FLNB: variants seen among roughly 807,000 people sequenced by gnomAD.
FLNB encodes filamin-B.
FLNB carries 111 observed loss-of-function variants against 250.6 expected under a neutral mutation model. The ratio of observed to expected loss-of-function variants is 0.44; its 90% CI spans 0.38 to 0.52. The LOEUF is 0.52. FLNB is among the 20% of genes least tolerant of loss of function. FLNB has a pLI of 0.00. For synonymous variants in FLNB, 1,302 were observed against 1,372.1 expected (o/e 0.95, Z 1.13); for missense variants, 2,869 against 3,447.8 (o/e 0.83, Z 4.20).
chr3:58,132,974 T>C, intron 26 of FLNB, 43 bp downstream of exon 26: 1 of 1,585,084 alleles, frequency 6.3e-7, no homozygotes, highest in Non-Finnish European at 8.6e-7. Context: ...CATCAGTCTA[T>C]CTGTCCACCC....
intron 1 of FLNB, among the ~76,000 whole-genome samples, chr3:58,037,920 GA>G (rs1384383458): frequency 6.6e-6 from 1 of 151,622 alleles, no homozygotes; most frequent in African/African-American, 2.4e-5. Context: ...GATAGCATAA[GA>G]AAAAATTAAA....
Position 58,170,719 on chromosome 3 carries a change from A to G in FLNB, c.7766A>G (p.Glu2589Gly), listed in dbSNP as rs769890311. 3.7e-6 allele frequency: 6 copies of G among 1,614,028 alleles called. No individual in the cohort carries two copies. The highest frequency in any genetic ancestry group is 5.1e-6 in the Non-Finnish European group (6 of 1,179,988). ...GDYVLAVKWG[E>G]EHIPGSPFHV... ...TATGTGCTGGCTGTGAAGTGGGGGG[A>G]GGAACACATCCCTGGCAGCCCTTTT... Residue 2589 changes from glutamate to glycine, a missense_variant, in exon 46 of 46, where the codon GAG becomes GGG. Coordinates refer to ENST00000295956, the MANE Select transcript of FLNB (RefSeq NM_001457.4).
intron 1 of FLNB, among the ~76,000 whole-genome samples, chr3:58,066,314 G>T (rs915894585): frequency 4.6e-5 from 7 of 151,294 alleles, no homozygotes; most frequent in Non-Finnish European, 8.8e-5. Context: ...CTACCTCCTG[G>T]GTTCAAGCTA....
chr3:58,132,417 CTT>C, intron 25 of FLNB: 1 of 405,632 alleles, frequency 2.5e-6, no homozygotes, highest in East Asian at 5.8e-5. Flanking sequence ...ATTCTGGACT[CTT>C]TGGCAGTGTC....
chr3:58,072,989 T>A (rs1316235330), intron 1 of FLNB, among the ~76,000 whole-genome samples: 3 of 152,184 alleles, frequency 2.0e-5, no homozygotes, highest in African/African-American at 7.2e-5. Flanking sequence ...GCAAGTCTGC[T>A]TTTGAAAAGC....
chr3:58,150,366 T>C, intron 38 of FLNB, 139 bp downstream of exon 38: 1 of 893,210 alleles, frequency 1.1e-6, no homozygotes, highest in East Asian at 2.4e-5. Context: ...TTTCACTTCA[T>C]TTCATTATGT....
At chr3:58,069,789 G>A (rs2097191400) in intron 1 of FLNB, among the ~76,000 whole-genome samples, 1 of 152,194 alleles carries the variant, frequency 6.6e-6, no homozygotes, top group South Asian at 2.1e-4. Flanking sequence ...TGGCAGTCAT[G>A]GCCCTCCTAA....
intron 1 of FLNB, among the ~76,000 whole-genome samples, chr3:58,038,218 G>A (rs2097140916): frequency 6.6e-6 from 1 of 152,048 alleles, no homozygotes; most frequent in Non-Finnish European, 1.5e-5. Context: ...TAGTAGAGAT[G>A]GGTTTTTGCC....
chr3:58,125,600 G>A lies in FLNB; in HGVS notation c.3918G>A (p.Val1306=). ...PFEKGLHVVE[V]TYDDVPIPNS... ...GAGCAGGTCTCCATGTAGTGGAGGT[G>A]ACATATGATGACGTGCCTATCCCAA... Residue 1306 remains valine, a synonymous_variant, in exon 23 of 46, where the codon GTG becomes GTA. Coordinates refer to ENST00000295956, the MANE Select transcript of FLNB (RefSeq NM_001457.4). 6.2e-7 allele frequency: 1 copy of A among 1,614,238 alleles called. No individual in the cohort carries two copies. Among genetic ancestry groups the A allele is most frequent in the Non-Finnish European group, 8.5e-7 (1 of 1,180,056 alleles).
rs367699629 is a variant in FLNB, at chr3:58,143,953, G to C, written c.5425+340G>C. ...GCCTGGCCTGCAGAGCCCTGTGTGG[G>C]CTGGAGGCTTGGGGCCAGGTCAGAG... On this transcript the variant is annotated intron_variant, in intron 32 of 45. Coordinates refer to ENST00000295956, the MANE Select transcript of FLNB (RefSeq NM_001457.4). Among the ~76,000 whole-genome samples, 46 of 152,260 alleles carry C rather than the reference G, an allele frequency of 3.0e-4. No individual in the cohort carries two copies. In the South Asian group the frequency reaches 4.1e-3, roughly 14 times the overall value.
chr3:58,078,873 G>C (rs2097205206), intron 3 of FLNB, 59 bp downstream of exon 3: 2 of 1,361,166 alleles, frequency 1.5e-6, no homozygotes, highest in African/African-American at 1.4e-5. Context: ...TTGTTCTGTG[G>C]ATGCCTTCCC....
At chr3:58,111,707 T>A (rs2097269020) in intron 16 of FLNB, 84 bp from the exon 17 acceptor site, 1 of 975,008 alleles carries the variant, frequency 1.0e-6, no homozygotes, top group African/African-American at 1.6e-5. Flanking sequence ...AGAGTGATGC[T>A]AAGGTTCACC....
chr3:58,069,292 T>A (rs1181264731), intron 1 of FLNB, among the ~76,000 whole-genome samples: 2 of 137,610 alleles, frequency 1.5e-5, no homozygotes, highest in African/African-American at 5.7e-5. Flanking sequence ...CAGGCTGGAG[T>A]GCAATGGAGT....
rs201159278 is a variant in FLNB, at chr3:58,031,901, G to GA, written c.292+23054dup. 3.6e-3 allele frequency among the ~76,000 whole-genome samples: 547 copies of GA among 149,980 alleles called. 2 individuals carry two copies. Among genetic ancestry groups the GA allele is most frequent in the African/African-American group, 0.012 (507 of 40,882 alleles). ...ATTACTAAGCTTGACCAGGGGAAGA[G>GA]AAAAAAAAATACCTTGTGTTTATTA... is the stretch of plus-strand genomic sequence containing the variant. On this transcript the variant is annotated intron_variant, in intron 1 of 45. Transcript: ENST00000295956.
intron 11 of FLNB, among the ~76,000 whole-genome samples, chr3:58,106,332 T>A (rs2097259438): frequency 7.5e-6 from 1 of 134,216 alleles, no homozygotes. Flanking sequence ...GATGATAAAA[T>A]ACATATAATG....
At position 58,125,110 on chromosome 3, in the gene FLNB, G is replaced by C. The variant is rs560764570; in HGVS notation, c.3899-471G>C. 3.9e-5 allele frequency among the ~76,000 whole-genome samples: 6 copies of C among 152,196 alleles called. No individual in the cohort carries two copies. In the East Asian group the frequency reaches 9.7e-4, roughly 24 times the overall value. On this transcript the variant is annotated intron_variant, in intron 22 of 45. Coordinates refer to ENST00000295956, the MANE Select transcript of FLNB (RefSeq NM_001457.4). ...GACGGTTTGTATTATTTAAAAGTCA[G>C]ATCATACCTACATTACTGTGGGATT...
rs538369447 is a variant in FLNB, at chr3:58,112,206, C to G, written c.2633C>G (p.Ala878Gly). 1.2e-6 allele frequency: 2 copies of G among 1,614,166 alleles called. No homozygotes were observed. Among genetic ancestry groups the G allele is most frequent in the African/African-American group, 2.7e-5 (2 of 75,060 alleles). ...GTCTACACCAAGGGGGCTGGGAAAGCCCCGCTCAACGTGCAGTTCAACAGC... is the reference window on the plus strand; with the variant it reads ...GTCTACACCAAGGGGGCTGGGAAAGGCCCGCTCAACGTGCAGTTCAACAGC... ...FTVYTKGAGK[A>G]PLNVQFNSPL... Residue 878 changes from alanine to glycine, a missense_variant, in exon 18 of 46, where the codon GCC becomes GGC. Ala to Gly is a moderately conservative substitution (Grantham distance 60). This residue lies in a region of FLNB where 1,348 missense variants were observed against 1,466.7 expected (regional missense o/e 0.92). Coordinates refer to ENST00000295956, the MANE Select transcript of FLNB (RefSeq NM_001457.4).
In FLNB at chr3:58,148,328, C is replaced by A; in HGVS notation, c.5851C>A (p.Pro1951Thr). 6.2e-7 allele frequency: 1 copy of A among 1,613,964 alleles called. No individual in the cohort carries two copies. Among genetic ancestry groups the A allele is most frequent in the Non-Finnish European group, 8.5e-7 (1 of 1,179,966 alleles). Residue 1951 changes from proline to threonine, a missense_variant, in exon 35 of 46, where the codon CCC (proline) becomes ACC (threonine). This residue lies in a region of FLNB where 1,084 missense variants were observed against 1,315.5 expected (regional missense o/e 0.82). Coordinates refer to ENST00000295956, the MANE Select transcript of FLNB (RefSeq NM_001457.4). The part of the protein sequence containing the change: ...SIKAPSGRDE[P>T]CLLKRLPNNH... ...TAAGGCCCCATCTGGCCGAGACGAGCCCTGTCTCCTGAAGAGGCTGCCCAA... is the reference window on the plus strand; with the variant it reads ...TAAGGCCCCATCTGGCCGAGACGAGACCTGTCTCCTGAAGAGGCTGCCCAA...
rs1426110716 is a variant in FLNB, at chr3:58,130,883, G to A, written c.4365G>A (p.Leu1455=). 5 of 1,612,298 alleles carry A rather than the reference G, an allele frequency of 3.1e-6. No individual in the cohort carries two copies. The highest frequency in any genetic ancestry group is 4.2e-6 in the Non-Finnish European group (5 of 1,179,594). The change falls in exon 25 of 46, where the codon CTG becomes CTA. Residue 1455 remains leucine, a synonymous_variant. Transcript: ENST00000295956. ...VDSSKAGLAP[L]EVRVLGPRGL... ...GCAGCAAGGCTGGCCTGGCTCCGCT[G>A]GAAGTGAGGGTTCTGGGCCCACGAG...
Sources: allele counts gnomAD v4.1 joint callset (sites outside exome capture counted in the v4.1 genomes callset), GRCh38; gene constraint gnomAD v4.1.1; regional missense constraint gnomAD v4.1.1; transcripts MANE v1.5; gene names NCBI Gene and HGNC (gene_info 2026-07-23, HGNC 2026-07-21).